SRGAP2: variants seen among roughly 807,000 people sequenced by gnomAD.
SRGAP2 encodes the protein SLIT-ROBO Rho GTPase-activating protein 2.
In SRGAP2, 15 loss-of-function variants were observed where a neutral mutation model predicts 57.2. The ratio of observed to expected loss-of-function variants is 0.26; its 90% confidence interval spans 0.18 to 0.40. SRGAP2 has a LOEUF of 0.40. Ranked by LOEUF, SRGAP2 falls within the 10% of genes least tolerant of loss-of-function variation. The pLI, the probability that SRGAP2 is intolerant of heterozygous loss-of-function variation, is 1.00. For missense variants in SRGAP2, 520 were observed against 669.6 expected (o/e 0.78, Z 2.47); for synonymous variants, 249 against 248.0 (o/e 1.00, Z -0.04).
At position 206,356,897 on chromosome 1, in the gene SRGAP2, T is replaced by G. The variant is rs1368796504; in HGVS notation, c.423+13889T>G. 1.3e-5 allele frequency among the ~76,000 whole-genome samples: 2 copies of G among 148,186 alleles called. 1 individual carries two copies. The highest frequency in any genetic ancestry group is 3.0e-5 in the Non-Finnish European group (2 of 67,702). On this transcript the variant is annotated intron_variant, in intron 4 of 22. Coordinates refer to ENST00000573034, the MANE Select transcript of SRGAP2 (RefSeq NM_015326.5). Reference sequence around the variant, plus strand: ...GGGTTTTTTGTTTTGTTTTCTTTTTTTTTTTCCTTTTTCTCTGTTCTCTAC... The same window carrying G: ...GGGTTTTTTGTTTTGTTTTCTTTTTGTTTTTCCTTTTTCTCTGTTCTCTAC...
chr1:206,404,654 G>A (rs1468313598), intron 8 of SRGAP2, among the ~76,000 whole-genome samples: 11 of 152,210 alleles, frequency 7.2e-5, no homozygotes, highest in Non-Finnish European at 1.3e-4. Context: ...GGAAGGCCTG[G>A]GGTAAAATGA....
intron 13 of SRGAP2, among the ~76,000 whole-genome samples, chr1:206,424,280 A>G (rs1199000114): frequency 1.3e-5 from 2 of 152,210 alleles, no homozygotes; most frequent in Non-Finnish European, 2.9e-5. Flanking sequence ...AAAAAAGTGT[A>G]TGAAGGAATT....
At chr1:206,430,790 A>G (rs540271100) in intron 14 of SRGAP2, among the ~76,000 whole-genome samples, 6 of 152,306 alleles carry the variant, frequency 3.9e-5, no homozygotes, top group African/African-American at 7.2e-5. Flanking sequence ...GTGAAATCAT[A>G]CTCTCTTCTA....
At chr1:206,324,637 G>A (rs1160776706) in intron 3 of SRGAP2, among the ~76,000 whole-genome samples, 1 of 152,116 alleles carries the variant, frequency 6.6e-6, no homozygotes, top group Admixed American at 6.5e-5. Flanking sequence ...CTGTAGACAG[G>A]GAGCGTGTTC....
At chr1:206,295,577 TG>T (rs1334319837) in intron 2 of SRGAP2, among the ~76,000 whole-genome samples, 1 of 151,074 alleles carries the variant, frequency 6.6e-6, no homozygotes, top group Non-Finnish European at 1.5e-5. Context: ...ACTATAGTAA[TG>T]GGATTCCCCA....
chr1:206,353,494 A>G (rs565971967), intron 4 of SRGAP2, among the ~76,000 whole-genome samples: 1 of 151,998 alleles, frequency 6.6e-6, no homozygotes, highest in Admixed American at 6.6e-5. Flanking sequence ...TAAAAATACA[A>G]AAATTAGCTG....
chr1:206,302,195 T>TG (rs1403357218), intron 2 of SRGAP2, among the ~76,000 whole-genome samples: 3 of 139,102 alleles, frequency 2.2e-5, no homozygotes, highest in Non-Finnish European at 4.6e-5. Flanking sequence ...ATGAAAGAAA[T>TG]GGCTCCATTC....
chr1:206,410,083 C>G (rs1659079013), intron 10 of SRGAP2, among the ~76,000 whole-genome samples: 1 of 152,214 alleles, frequency 6.6e-6, no homozygotes, highest in African/African-American at 2.4e-5. Context: ...CCTGGGGCAA[C>G]AAGAGTGAAA....
chr1:206,418,027 C>T (rs1249863064), intron 11 of SRGAP2, among the ~76,000 whole-genome samples: 1 of 151,154 alleles, frequency 6.6e-6, no homozygotes, highest in African/African-American at 2.4e-5. Flanking sequence ...ACCAAATGTG[C>T]TACTATGGAG....
At chr1:206,449,550 T>C (rs1049011608) in intron 18 of SRGAP2, among the ~76,000 whole-genome samples, 13 of 151,872 alleles carry the variant, frequency 8.6e-5, no homozygotes, top group African/African-American at 2.4e-4. Context: ...GTGCTGGGAT[T>C]ACAGGTGTGA....
chr1:206,454,207 C>T lies in SRGAP2; in HGVS notation c.2361-671C>T. 1 of 702,378 alleles carries T rather than the reference C, an allele frequency of 1.4e-6. No homozygotes were observed. The highest frequency in any genetic ancestry group is 2.6e-6 in the Non-Finnish European group (1 of 384,892). The allele number at this position is 702,378 out of a possible 1,614,324, so 43.5% of individuals were successfully genotyped here. On this transcript the variant is annotated intron_variant, in intron 20 of 22. Transcript: ENST00000573034. This position sits in a 1 kb window ranked among gnomAD's most constrained non-coding sequence, Gnocchi z 4.3. ...TCCCGGCTCGTTCTGCAGGGAAATC[C>T]TCCCTCTGTTGATAGCATCGCAAAC... is the stretch of plus-strand genomic sequence containing the variant.
intron 17 of SRGAP2, among the ~76,000 whole-genome samples, chr1:206,443,361 GTTGT>G (rs1281975846): frequency 4.6e-5 from 7 of 152,014 alleles, no homozygotes; most frequent in Admixed American, 2.6e-4. Flanking sequence ...TTATTTTGTT[GTTGT>G]TTGTTTGTTT....
intron 3 of SRGAP2, among the ~76,000 whole-genome samples, chr1:206,334,151 A>G (rs1300686327): frequency 6.8e-6 from 1 of 146,580 alleles, no homozygotes; most frequent in Non-Finnish European, 1.5e-5. Flanking sequence ...TGTCCTCAAC[A>G]TTTACAGGAT....
rs115984911 is a variant in SRGAP2, at chr1:206,441,384, G to A, written c.1874+1303G>A. 2.2e-3 allele frequency among the ~76,000 whole-genome samples: 342 copies of A among 152,224 alleles called. 4 individuals carry two copies. Among genetic ancestry groups the A allele is most frequent in the African/African-American group, 7.9e-3 (328 of 41,528 alleles). On this transcript the variant is annotated intron_variant, in intron 17 of 22. Transcript: ENST00000573034. Reference sequence around the variant, plus strand: ...AAAGGTCTGAGGAGCAGAGGGGGCCGCGGGTGTGGATGGGGCATTTCTTCT... The same window carrying A: ...AAAGGTCTGAGGAGCAGAGGGGGCCACGGGTGTGGATGGGGCATTTCTTCT...
intron 2 of SRGAP2, among the ~76,000 whole-genome samples, chr1:206,247,028 C>T (rs1197177219): frequency 1.5e-4 from 21 of 143,556 alleles, no homozygotes; most frequent in Non-Finnish European, 2.3e-4. Flanking sequence ...TGAGCAGAAC[C>T]GTGGGAGGGA....
chr1:206,443,380 T>C (rs992354987), intron 17 of SRGAP2, among the ~76,000 whole-genome samples: 1 of 152,086 alleles, frequency 6.6e-6, no homozygotes, highest in Admixed American at 6.6e-5. Flanking sequence ...TTGTTTTTGT[T>C]TGTTTGTTTT....
intron 2 of SRGAP2, among the ~76,000 whole-genome samples, chr1:206,278,471 C>T (rs1670546447): frequency 7.1e-6 from 1 of 140,130 alleles, no homozygotes; most frequent in Non-Finnish European, 1.5e-5. Flanking sequence ...GCCTCAGCCT[C>T]CTGAAGTACT....
At chr1:206,419,915 A>G (rs1267676558) in intron 12 of SRGAP2, among the ~76,000 whole-genome samples, 2 of 152,000 alleles carry the variant, frequency 1.3e-5, no homozygotes, top group Non-Finnish European at 2.9e-5. Flanking sequence ...GAGTATTGGT[A>G]GAAATATTTG....
At chr1:206,402,643 TCAGA>T (rs1658296187) in intron 8 of SRGAP2, among the ~76,000 whole-genome samples, 1 of 151,914 alleles carries the variant, frequency 6.6e-6, no homozygotes, top group Non-Finnish European at 1.5e-5. Context: ...AACTCCATTC[TCAGA>T]CAGGCCATTC....
Sources: gnomAD v4.1 joint callset for allele counts (sites outside exome capture counted in the v4.1 genomes callset) on GRCh38, gnomAD v4.1.1 for gene constraint, Gnocchi (gnomAD v3.1) non-coding constraint, MANE v1.5 for transcripts, NCBI Gene and HGNC (gene_info 2026-07-23, HGNC 2026-07-21) for gene names.